TMIGD1: variants seen among roughly 807,000 people sequenced by gnomAD.
TMIGD1 encodes the protein transmembrane and immunoglobulin domain containing 1.
A neutral mutation model predicts 27.5 loss-of-function variants in TMIGD1; 29 were observed. The ratio of observed to expected loss-of-function variants is 1.05; its 90% CI spans 0.78 to 1.44. The LOEUF is 1.44. TMIGD1 is among the 40% of genes most tolerant of loss of function. The pLI, the probability that TMIGD1 is intolerant of heterozygous loss-of-function variation, is 0.00. For synonymous variants in TMIGD1, 109 were observed against 110.3 expected (o/e 0.99, Z 0.07); for missense variants, 334 against 310.6 (o/e 1.08, Z -0.57).
At chr17:30,327,563 T>C (rs1462675873) in intron 3 of TMIGD1, among the ~76,000 whole-genome samples, 1 of 151,992 alleles carries the variant, frequency 6.6e-6, no homozygotes, top group African/African-American at 2.4e-5. Context: ...TATTTTATTT[T>C]ATTTTATTTT....
At chr17:30,324,121 G>A (rs1909699092) in intron 4 of TMIGD1, among the ~76,000 whole-genome samples, 2 of 152,222 alleles carry the variant, frequency 1.3e-5, no homozygotes, top group African/African-American at 4.8e-5. Context: ...AGATATGGGA[G>A]TCTCAGCTTG....
At chr17:30,319,472 T>C (rs1909548733) in intron 4 of TMIGD1, among the ~76,000 whole-genome samples, 1 of 142,008 alleles carries the variant, frequency 7.0e-6, no homozygotes, top group Non-Finnish European at 1.5e-5. Context: ...TGGTAAATGG[T>C]AGAGGCAGGT....
In TMIGD1 at chr17:30,316,514, T is replaced by A; in HGVS notation, c.*173A>T. 1.6e-6 allele frequency: 1 copy of A among 612,214 alleles called. No homozygotes were observed. Among genetic ancestry groups the A allele is most frequent in the Non-Finnish European group, 2.8e-6 (1 of 355,988 alleles). 37.9% of individuals were successfully genotyped at this position (612,214 alleles called of 1,614,324 possible). A position where few individuals can be genotyped will look rare whatever the true frequency, so the allele number is the denominator to read the frequency against. On this transcript the variant is annotated 3_prime_UTR_variant, in exon 7 of 7. Transcript: ENST00000328886. ...TTTTCATTCTTAATAGCTCTTTCCA[T>A]AAAAATGTTCCACAAGTGTATCAAA... is the stretch of plus-strand genomic sequence containing the variant.
intron 2 of TMIGD1, among the ~76,000 whole-genome samples, chr17:30,329,922 T>TTA (rs558862743): frequency 6.9e-6 from 1 of 145,788 alleles, no homozygotes; most frequent in Non-Finnish European, 1.5e-5. Flanking sequence ...AATAAAAAAA[T>TTA]AAAAAAAAAA....
chr17:30,325,704 GTTTTTGCATTT>G (rs934441363), intron 3 of TMIGD1, among the ~76,000 whole-genome samples: 1 of 152,090 alleles, frequency 6.6e-6, no homozygotes, highest in African/African-American at 2.4e-5. Flanking sequence ...CTCACCGTCT[GTTTTTGCATTT>G]TATCGAACCA....
At chr17:30,331,096 G>A (rs368131778) in intron 2 of TMIGD1, among the ~76,000 whole-genome samples, 42 of 152,288 alleles carry the variant, frequency 2.8e-4, no homozygotes, top group East Asian at 2.3e-3. Flanking sequence ...TCGGGAGGCT[G>A]AGGCAGGAGA....
intron 4 of TMIGD1, among the ~76,000 whole-genome samples, chr17:30,324,082 CA>C: frequency 6.6e-6 from 1 of 152,344 alleles, no homozygotes; most frequent in Non-Finnish European, 1.5e-5. Context: ...TACAGGGAGG[CA>C]AATGACAAAG....
Position 30,329,275 on chromosome 17 carries a change from C to A in TMIGD1, c.337G>T (p.Val113Phe). The change falls in exon 3 of 7, where the codon GTT becomes TTT. Residue 113 changes from valine (V) to phenylalanine (F), a missense_variant. Transcript: ENST00000328886. ...CRLGRDQSVS[V>F]SVVLNVTFPP... ...CAAGTAACATTCAGCACCACCGAAA[C>A]GGACACGGACTGATCCCTCCCCAGC... is the stretch of plus-strand genomic sequence containing the variant. The A allele has an allele frequency of 6.2e-7, 1 of 1,613,718 alleles. No homozygotes were observed. Among genetic ancestry groups the A allele is most frequent in the Admixed American group, 1.7e-5 (1 of 59,998 alleles).
chr17:30,331,320 C>CT (rs5819895), intron 2 of TMIGD1, among the ~76,000 whole-genome samples: 49,214 of 146,796 alleles, frequency 0.34, 8,431 homozygotes, highest in Admixed American at 0.42. Context: ...TTGTACTTTT[C>CT]TTTTTTTTTT....
rs1052134848 is a variant in TMIGD1, at chr17:30,329,307, G to A, written c.305C>T (p.Thr102Ile). ...ISENDNGISF[T>I]CRLGRDQSVS... is the part of the protein sequence containing the mutation. ...GGACTGATCCCTCCCCAGCCTGCAG[G>A]TAAAGCTGATTCCGTTGTCATTTTC... Residue 102 changes from threonine (T) to isoleucine (I), a missense_variant, in exon 3 of 7, where the codon ACC (threonine) becomes ATC (isoleucine). Coordinates refer to ENST00000328886, the MANE Select transcript of TMIGD1 (RefSeq NM_206832.3). 6.2e-7 allele frequency: 1 copy of A among 1,614,028 alleles called. No individual in the cohort carries two copies. The highest frequency in any genetic ancestry group is 1.3e-5 in the African/African-American group (1 of 74,996).
At chr17:30,319,012 A>G in intron 4 of TMIGD1, 99 bp from the exon 5 acceptor site, 1 of 812,058 alleles carries the variant, frequency 1.2e-6, no homozygotes, top group Non-Finnish European at 2.1e-6. Flanking sequence ...TCATCCCCTT[A>G]ATTAAACCTT....
At chr17:30,323,949 A>C (rs1268335458) in intron 4 of TMIGD1, among the ~76,000 whole-genome samples, 1 of 152,190 alleles carries the variant, frequency 6.6e-6, no homozygotes, top group Non-Finnish European at 1.5e-5. Flanking sequence ...CACTCTTTTC[A>C]TATCCCATAA....
rs747598666 is a variant in TMIGD1, at chr17:30,329,374, T to A, written c.238A>T (p.Asn80Tyr). ...EEGRVDLKSG[N>Y]KINSSSVCVS... ...CAGACAGAGCTGGAATTGATTTTGT[T>A]TCCAGATTTCAAATCCACTCTCCCC... The change falls in exon 3 of 7, where the codon AAC becomes TAC. Residue 80 changes from asparagine (N) to tyrosine (Y), a missense_variant. By Grantham distance (143) the Asn-to-Tyr change is moderately radical (BLOSUM62 -2). Coordinates refer to ENST00000328886, the MANE Select transcript of TMIGD1 (RefSeq NM_206832.3). 2.5e-6 allele frequency: 4 copies of A among 1,614,026 alleles called. No individual in the cohort carries two copies. The East Asian group carries it at 6.7e-5, about 27-fold the overall frequency.
At chr17:30,332,192 T>C in intron 1 of TMIGD1, 34 bp from the exon 2 acceptor site, 4 of 1,395,242 alleles carry the variant, frequency 2.9e-6, no homozygotes, top group Non-Finnish European at 4.0e-6. Context: ...GTTTTGTACT[T>C]TGGTCTGCAA....
At chr17:30,322,660 C>T (rs546769975) in intron 4 of TMIGD1, among the ~76,000 whole-genome samples, 8 of 152,170 alleles carry the variant, frequency 5.3e-5, no homozygotes, top group Non-Finnish European at 7.4e-5. Context: ...CCATCATGCC[C>T]GGCTAATTTT....
intron 4 of TMIGD1, among the ~76,000 whole-genome samples, chr17:30,321,617 G>A (rs1427421999): frequency 2.6e-5 from 4 of 152,178 alleles, no homozygotes; most frequent in African/African-American, 4.8e-5. Context: ...TCTAGTGAGG[G>A]AGACAGACAT....
chr17:30,328,838 C>T (rs1372842525), intron 3 of TMIGD1, among the ~76,000 whole-genome samples: 5 of 151,566 alleles, frequency 3.3e-5, no homozygotes, highest in South Asian at 2.1e-4. Context: ...GTAGTGGGCA[C>T]CTGCAGTCCC....
chr17:30,319,249 G>GAAAAAAAA (rs1201681602), intron 4 of TMIGD1, among the ~76,000 whole-genome samples: 18 of 70,888 alleles, frequency 2.5e-4, no homozygotes, highest in African/African-American at 9.2e-4. Context: ...AAAAAAAAAA[G>GAAAAAAAA]AAAAAAAAAA....
In TMIGD1 at chr17:30,318,841, C is replaced by A; in HGVS notation, c.713G>T (p.Gly238Val). 6.2e-7 allele frequency: 1 copy of A among 1,613,748 alleles called. No homozygotes were observed. Among genetic ancestry groups the A allele is most frequent in the Non-Finnish European group, 8.5e-7 (1 of 1,179,808 alleles). ...TATTTTCTTTCTTCTAGCAATCAGTCCAAAGCACAATGTCAGAAAGATCAC... is the reference window on the plus strand; with the variant it reads ...TATTTTCTTTCTTCTAGCAATCAGTACAAAGCACAATGTCAGAAAGATCAC... ...CVVIFLTLCF[G>V]LIARRKKIMK... The change falls in exon 5 of 7, where the codon GGA (glycine) becomes GTA (valine). Residue 238 changes from glycine to valine, a missense_variant. Physicochemically the swap from Gly to Val is moderately radical, Grantham distance 109. Transcript: ENST00000328886.
Sources: gnomAD v4.1 joint callset for allele counts (sites outside exome capture counted in the v4.1 genomes callset) on GRCh38, gnomAD v4.1.1 for gene constraint, MANE v1.5 for transcripts, NCBI Gene and HGNC (gene_info 2026-07-23, HGNC 2026-07-21) for gene names.